ERMP1: variants seen among roughly 807,000 people sequenced by gnomAD.
ERMP1 encodes the protein Felix-ina.
In ERMP1, 86 loss-of-function variants were observed where a neutral mutation model predicts 92.0. That is an observed-to-expected ratio of 0.93 (90% CI 0.79 to 1.12). The LOEUF is 1.12. ERMP1 is among the 50% of genes most tolerant of loss of function. The pLI, the probability that ERMP1 is intolerant of heterozygous loss-of-function variation, is 0.00. For synonymous variants in ERMP1, 530 were observed against 412.8 expected (o/e 1.28, Z -3.44); for missense variants, 1,342 against 1,116.3 (o/e 1.20, Z -2.88).
At chr9:5,789,783 G>C (rs1257358034) in intron 13 of ERMP1, among the ~76,000 whole-genome samples, 4 of 151,844 alleles carry the variant, frequency 2.6e-5, no homozygotes, top group African/African-American at 2.4e-5. Context: ...TCCTTGGCTT[G>C]AGCAATCCTA....
At position 5,787,136 on chromosome 9, in the gene ERMP1, C is replaced by A; in HGVS notation, c.*8G>T. 5 of 1,610,230 alleles carry A rather than the reference C, an allele frequency of 3.1e-6. No homozygotes were observed. The highest frequency in any genetic ancestry group is 1.1e-5 in the South Asian group (1 of 90,380). ...CACTGGGCATGTACTTAGAGCTCAT[C>A]CACAAGATTAAAATACAAAGAGATC... On this transcript the variant is annotated 3_prime_UTR_variant, in exon 15 of 15. Transcript: ENST00000339450.
intron 6 of ERMP1, among the ~76,000 whole-genome samples, chr9:5,845,604 T>C (rs1830225421): frequency 6.6e-6 from 1 of 152,206 alleles, no homozygotes; most frequent in Admixed American, 6.5e-5. Context: ...CATCACTCCC[T>C]TCCATTTGCT....
At chr9:5,821,868 A>G (rs1829549462) in intron 4 of ERMP1, among the ~76,000 whole-genome samples, 1 of 152,238 alleles carries the variant, frequency 6.6e-6, no homozygotes, top group Admixed American at 6.5e-5. Flanking sequence ...AAGAAGACTG[A>G]GTGTCCTCTC....
intron 7 of ERMP1, 33 bp from the exon 8 acceptor site, chr9:5,810,264 C>G: frequency 6.6e-7 from 1 of 1,508,090 alleles, no homozygotes; most frequent in Non-Finnish European, 9.2e-7. Context: ...TTGAAATCAC[C>G]ATCTTCATCA....
intron 8 of ERMP1, among the ~76,000 whole-genome samples, chr9:5,808,453 A>G (rs1280863115): frequency 1.3e-5 from 2 of 152,208 alleles, no homozygotes; most frequent in Non-Finnish European, 2.9e-5. Flanking sequence ...AACCTCAAAG[A>G]ACCTTCCTTC....
chr9:5,819,009 T>A (rs898593197), intron 4 of ERMP1, among the ~76,000 whole-genome samples: 2 of 152,258 alleles, frequency 1.3e-5, no homozygotes, highest in African/African-American at 4.8e-5. Flanking sequence ...CTGTTTAATT[T>A]GGCAGTTTCT....
chr9:5,861,593 G>A (rs959167171), intron 5 of ERMP1, among the ~76,000 whole-genome samples: 2 of 152,096 alleles, frequency 1.3e-5, no homozygotes, highest in African/African-American at 4.8e-5. Context: ...GCACAAGACA[G>A]GGCCTCTGGA....
chr9:5,798,074 CA>C, intron 12 of ERMP1, 142 bp from the exon 13 acceptor site: 2 of 651,880 alleles, frequency 3.1e-6, no homozygotes, highest in South Asian at 3.6e-5. Context: ...CCAACTCCAA[CA>C]AATTTAGGTT....
At chr9:5,813,942 C>T (rs1487760841) in intron 4 of ERMP1, among the ~76,000 whole-genome samples, 2 of 150,344 alleles carry the variant, frequency 1.3e-5, no homozygotes, top group African/African-American at 2.4e-5. Flanking sequence ...ACTCTTCCCT[C>T]GCTGAAAAAG....
Position 5,825,221 on chromosome 9 carries a change from T to C in ERMP1, c.641-2A>G, listed in dbSNP as rs763327407. 2.5e-6 allele frequency: 4 copies of C among 1,605,324 alleles called. No homozygotes were observed. The highest frequency in any genetic ancestry group is 3.4e-6 in the Non-Finnish European group (4 of 1,177,744). The stretch of plus-strand genomic sequence containing the variant: ...AGCTAACTGCATCATCACTGGCACC[T>C]TCAAATCAGAAAAACAAATTTGCTG... On this transcript the variant is annotated splice_acceptor_variant, in intron 2 of 14. Coordinates refer to ENST00000339450, the MANE Select transcript of ERMP1 (RefSeq NM_024896.3). LOFTEE classifies it high-confidence loss of function.
Position 5,833,073 on chromosome 9 carries a change from G to C in ERMP1, c.-46C>G, listed in dbSNP as rs761354591. ...AGCCCAACCGCCCCAACCCGCGACAGCCCCGGCCGCCGCCGACGCCGCCGT... is the reference window on the plus strand; with the variant it reads ...AGCCCAACCGCCCCAACCCGCGACACCCCCGGCCGCCGCCGACGCCGCCGT... On this transcript the variant is annotated 5_prime_UTR_variant, in exon 1 of 15. Transcript: ENST00000339450. 4.3e-6 allele frequency: 6 copies of C among 1,390,358 alleles called. No homozygotes were observed. Among genetic ancestry groups the C allele is most frequent in the African/African-American group, 1.5e-5 (1 of 65,860 alleles). The allele number at this position is 1,390,358 out of a possible 1,614,324, so 86.1% of individuals were successfully genotyped here.
intron 6 of ERMP1, among the ~76,000 whole-genome samples, chr9:5,839,770 G>T (rs370144165): frequency 6.6e-6 from 1 of 152,162 alleles, no homozygotes; most frequent in East Asian, 1.9e-4. Flanking sequence ...CTCTGCAGCT[G>T]CTGCTTTCCA....
At chr9:5,803,286 G>C (rs905062110) in intron 10 of ERMP1, among the ~76,000 whole-genome samples, 3 of 152,166 alleles carry the variant, frequency 2.0e-5, no homozygotes, top group South Asian at 4.1e-4. Flanking sequence ...AAGTGCGGCA[G>C]GGCTATTTCA....
intron 4 of ERMP1, among the ~76,000 whole-genome samples, chr9:5,819,847 A>G (rs1211038225): frequency 1.3e-5 from 2 of 152,224 alleles, no homozygotes; most frequent in Non-Finnish European, 2.9e-5. Flanking sequence ...CAAAGTAGAC[A>G]GGCAGTTGCC....
intron 6 of ERMP1, among the ~76,000 whole-genome samples, chr9:5,859,269 TGG>T (rs750264443): frequency 0.57 from 86,792 of 151,710 alleles, 25,646 homozygotes; most frequent in South Asian, 0.69. Flanking sequence ...AAAGACACTT[TGG>T]CAAAGGGAGC....
At chr9:5,847,197 G>A (rs143592291) in intron 6 of ERMP1, among the ~76,000 whole-genome samples, 103 of 152,182 alleles carry the variant, frequency 6.8e-4, no homozygotes, top group Non-Finnish European at 1.2e-3. Context: ...AATGTGTTTT[G>A]AAGATTAGAA....
At chr9:5,823,811 T>G in intron 4 of ERMP1, 85 bp downstream of exon 4, 1 of 887,266 alleles carries the variant, frequency 1.1e-6, no homozygotes, top group South Asian at 1.5e-5. Context: ...GACTGTTTAT[T>G]GAAGATATTA....
chr9:5,798,840 A>G lies in ERMP1; in HGVS notation c.2236T>C (p.Phe746Leu), dbSNP rs1337837253. 1 of 1,613,960 alleles carries G rather than the reference A, an allele frequency of 6.2e-7. No individual in the cohort carries two copies. The highest frequency in any genetic ancestry group is 8.5e-7 in the Non-Finnish European group (1 of 1,179,874). Reference protein sequence around the residue: ...HCEENAPLCGFPWYLPVHFLI... With the variant: ...HCEENAPLCGLPWYLPVHFLI... ...AAGTGCACTGGAAGATACCAAGGAA[A>G]ACCACAAAGAGGTGCATTCTCCTCA... Residue 746 changes from phenylalanine (F) to leucine (L), a missense_variant, in exon 12 of 15, where the codon TTT becomes CTT. By Grantham distance (22) the Phe-to-Leu change is conservative. Transcript: ENST00000339450.
chr9:5,866,731 C>T (rs761054500), intron 5 of ERMP1, among the ~76,000 whole-genome samples: 6 of 152,046 alleles, frequency 3.9e-5, no homozygotes, highest in Non-Finnish European at 5.9e-5. Context: ...ATCTGAGTGG[C>T]GATGAGAGGG....
Sources: allele counts gnomAD v4.1 joint callset (sites outside exome capture counted in the v4.1 genomes callset), GRCh38; gene constraint gnomAD v4.1.1; transcripts MANE v1.5; gene names NCBI Gene and HGNC (gene_info 2026-07-23, HGNC 2026-07-21).